Variants in ATP11A observed in about 807,000 individuals in gnomAD.
ATP11A encodes phospholipid-transporting ATPase IH.
Under a neutral mutation model 154.4 loss-of-function variants are expected in ATP11A, and 81 were observed. The ratio of observed to expected loss-of-function variants is 0.52; its 90% confidence interval spans 0.44 to 0.63. The LOEUF (loss-of-function observed/expected upper bound fraction) is 0.63, where lower values mean the gene tolerates loss of function less well. Ranked by LOEUF, ATP11A falls within the 30% of genes least tolerant of loss-of-function variation. The pLI is 0.00. For missense variants in ATP11A, 1,316 were observed against 1,474.3 expected (o/e 0.89, Z 1.76); for synonymous variants, 623 against 585.9 (o/e 1.06, Z -0.91).
intron 25 of ATP11A, among the ~76,000 whole-genome samples, chr13:112,863,405 C>A (rs199702783): frequency 6.8e-4 from 62 of 90,778 alleles, no homozygotes; most frequent in East Asian, 1.1e-3. Flanking sequence ...CCATCACCAC[C>A]TGCGCAGTAA....
chr13:112,770,774 T>G (rs185820), intron 1 of ATP11A, among the ~76,000 whole-genome samples: 79,552 of 151,906 alleles, frequency 0.52, 22,001 homozygotes, highest in African/African-American at 0.71. Flanking sequence ...CCTGGACTGC[T>G]AGGAGGCGGC....
At chr13:112,823,282 T>C (rs1194260782) in intron 8 of ATP11A, 63 bp from the exon 9 acceptor site, 1 of 1,303,162 alleles carries the variant, frequency 7.7e-7, no homozygotes, top group African/African-American at 1.5e-5. Flanking sequence ...GTCTGCCTCT[T>C]GCCCCCCGCC....
intron 2 of ATP11A, among the ~76,000 whole-genome samples, chr13:112,786,776 C>G (rs955374687): frequency 1.5e-4 from 23 of 152,268 alleles, no homozygotes; most frequent in African/African-American, 5.1e-4. Flanking sequence ...GGCGGCCCAC[C>G]ATTCACACGT....
chr13:112,705,786 T>G (rs1262307241), intron 1 of ATP11A, among the ~76,000 whole-genome samples: 1 of 152,266 alleles, frequency 6.6e-6, no homozygotes, highest in Non-Finnish European at 1.5e-5. Flanking sequence ...AGGAAAATGT[T>G]ACATAGTAGG....
At chr13:112,763,275 A>G (rs375527) in intron 1 of ATP11A, among the ~76,000 whole-genome samples, 23,147 of 152,094 alleles carry the variant, frequency 0.15, 1,837 homozygotes, top group African/African-American at 0.2. Flanking sequence ...GAAATGGGAA[A>G]GGCGAGTTCA....
At position 112,810,635 on chromosome 13, in the gene ATP11A, T is replaced by C; in HGVS notation, c.350T>C (p.Leu117Pro). The C allele has an allele frequency of 6.2e-7, 1 of 1,614,058 alleles. No homozygotes were observed. The highest frequency in any genetic ancestry group is 8.5e-7 in the Non-Finnish European group (1 of 1,179,966). The change falls in exon 5 of 30, where the codon CTT (leucine) becomes CCT (proline). Residue 117 changes from leucine to proline, a missense_variant. This residue lies in a region of ATP11A where 876 missense variants were observed against 1,006.8 expected (regional missense o/e 0.87). Transcript: ENST00000375645. ...TTTTTTTAGGGTTATGAAGACTGGC[T>C]TCGACATAAAGCAGACAATGCCATG... is the stretch of plus-strand genomic sequence containing the variant. ...TAIKQGYEDW[L>P]RHKADNAMNQ...
chr13:112,744,467 G>C (rs1195719280), intron 1 of ATP11A, among the ~76,000 whole-genome samples: 1 of 152,208 alleles, frequency 6.6e-6, no homozygotes, highest in African/African-American at 2.4e-5. Flanking sequence ...TTTCTGTCCA[G>C]TGAATCTCAG....
At chr13:112,848,269 C>G (rs7337058) in intron 17 of ATP11A, among the ~76,000 whole-genome samples, 1 of 151,942 alleles carries the variant, frequency 6.6e-6, no homozygotes, top group Non-Finnish European at 1.5e-5. Flanking sequence ...TATTTTTCAG[C>G]CTTGAGTCTT....
At chr13:112,698,994 C>T (rs1437184171) in intron 1 of ATP11A, among the ~76,000 whole-genome samples, 3 of 152,214 alleles carry the variant, frequency 2.0e-5, no homozygotes, top group African/African-American at 7.2e-5. Context: ...TCCCAAAGTA[C>T]TGGCATTACA....
At position 112,859,350 on chromosome 13, in the gene ATP11A, C is replaced by T. The variant is rs1566582243; in HGVS notation, c.2668-43C>T. The T allele has an allele frequency of 2.5e-6, 4 of 1,585,620 alleles. No homozygotes were observed. Among genetic ancestry groups the T allele is most frequent in the East Asian group, 4.5e-5 (2 of 44,730 alleles). ...ACGTCGGTAGGTGGCGGCTGCCTCC[C>T]TCTGTCCCGTCACCGAACTAACAGT... is the stretch of plus-strand genomic sequence containing the variant. On this transcript the variant is annotated intron_variant, in intron 22 of 29. Coordinates refer to ENST00000375645, the MANE Select transcript of ATP11A (RefSeq NM_015205.3). The surrounding 1 kb of genome is among the most constrained non-coding windows in gnomAD (Gnocchi z 4.3).
chr13:112,737,458 G>C (rs1335692889), intron 1 of ATP11A, among the ~76,000 whole-genome samples: 8 of 152,244 alleles, frequency 5.3e-5, no homozygotes. Context: ...CTCCAGAAGG[G>C]ATGGGCTTCC....
intron 1 of ATP11A, among the ~76,000 whole-genome samples, chr13:112,706,633 T>C (rs1887169473): frequency 6.6e-6 from 1 of 152,224 alleles, no homozygotes; most frequent in African/African-American, 2.4e-5. Context: ...CATTTAAGAG[T>C]ATTTTCCTGT....
At chr13:112,857,055 C>G (rs984239539) in intron 20 of ATP11A, among the ~76,000 whole-genome samples, 2 of 152,218 alleles carry the variant, frequency 1.3e-5, no homozygotes, top group East Asian at 3.8e-4. Context: ...GGAACAGCAA[C>G]TAAGGATTTG....
rs868810204 is a variant in ATP11A at position 112,832,714 on chromosome 13, T to C, written c.1396-146T>C. 2.9e-5 allele frequency: 23 copies of C among 806,958 alleles called. No homozygotes were observed. In the Middle Eastern group the frequency reaches 2.3e-3, roughly 79 times the overall value. 50.0% of individuals were successfully genotyped at this position (806,958 alleles called of 1,614,324 possible). The stretch of plus-strand genomic sequence containing the variant: ...ATGGAAAGCTGTAATTCCATCCCAC[T>C]GTATAACCCCTCACCGCCCACAAGC... On this transcript the variant is annotated intron_variant, in intron 13 of 29. Coordinates refer to ENST00000375645, the MANE Select transcript of ATP11A (RefSeq NM_015205.3).
At chr13:112,767,441 G>C (rs536377803) in intron 1 of ATP11A, among the ~76,000 whole-genome samples, 1 of 100,122 alleles carries the variant, frequency 1.0e-5, no homozygotes, top group East Asian at 3.2e-4. Context: ...GGTGTTGGGG[G>C]CCCCTGTGGG....
chr13:112,873,495 G>T, intron 26 of ATP11A, 78 bp from the exon 27 acceptor site: 1 of 1,109,592 alleles, frequency 9.0e-7, no homozygotes, highest in South Asian at 1.5e-5. Context: ...GTCACCCCCC[G>T]GCTCTCTGTC....
chr13:112,880,330 G>T (rs2080846933), intron 29 of ATP11A: 2 of 217,676 alleles, frequency 9.2e-6, no homozygotes, highest in Non-Finnish European at 1.8e-5. Flanking sequence ...TCAGTTCTGG[G>T]CTCGGGCCCC....
intron 15 of ATP11A, 88 bp downstream of exon 15, chr13:112,834,748 G>A: frequency 9.8e-7 from 1 of 1,015,280 alleles, no homozygotes; most frequent in Non-Finnish European, 1.5e-6. Context: ...GAAAAGACAA[G>A]TTCTCTATGT....
chr13:112,834,729 C>A, intron 15 of ATP11A, 69 bp downstream of exon 15: 2 of 1,310,000 alleles, frequency 1.5e-6, no homozygotes, highest in Non-Finnish European at 2.2e-6. Flanking sequence ...TAAGGTTCTG[C>A]GTTTGAGGGA....
Sources: allele counts gnomAD v4.1 joint callset (sites outside exome capture counted in the v4.1 genomes callset), GRCh38; gene constraint gnomAD v4.1.1; regional missense constraint gnomAD v4.1.1; non-coding constraint Gnocchi (gnomAD v3.1); transcripts MANE v1.5; gene names NCBI Gene and HGNC (gene_info 2026-07-23, HGNC 2026-07-21).